Variants in PRKDC observed in about 807,000 individuals in gnomAD.
The protein encoded by PRKDC is DNA-dependent protein kinase catalytic subunit.
A neutral mutation model predicts 486.9 loss-of-function variants in PRKDC; 82 were observed. The observed-to-expected ratio is 0.17, with a 90% CI of 0.14 to 0.20. PRKDC has a LOEUF of 0.20. Among genes scored for constraint, PRKDC ranks in the 10% least tolerant of loss-of-function variants. The pLI, the probability that PRKDC is intolerant of heterozygous loss-of-function variation, is 1.00. For missense variants in PRKDC, 4,504 were observed against 5,038.2 expected, an observed-to-expected ratio of 0.89 and a Z score of 3.21; for synonymous variants, 1,895 against 1,837.0, an observed-to-expected ratio of 1.03 and a Z score of -0.81.
intron 68 of PRKDC, among the ~76,000 whole-genome samples, chr8:47,813,093 ATATTTATTTATT>A (rs139524100): frequency 0.014 from 2,035 of 148,186 alleles, 42 homozygotes; most frequent in African/African-American, 0.041. Context: ...ATAGAATTTT[ATATTTATTTATT>A]TATTTATTTA....
intron 40 of PRKDC, among the ~76,000 whole-genome samples, chr8:47,876,053 C>A (rs750727715): frequency 3.3e-5 from 5 of 152,132 alleles, no homozygotes; most frequent in Admixed American, 1.3e-4. Flanking sequence ...CCAGAGAAGG[C>A]AGATTTATAA....
At chr8:47,852,582 C>A in intron 52 of PRKDC, 91 bp downstream of exon 52, 1 of 734,520 alleles carries the variant, frequency 1.4e-6, no homozygotes, top group Non-Finnish European at 2.1e-6. Flanking sequence ...GTTTCTAATA[C>A]CATACAAGAA....
chr8:47,834,253 C>T lies in PRKDC; in HGVS notation c.8095G>A (p.Asp2699Asn). The change falls in exon 59 of 86, where the codon GAT becomes AAT. Residue 2699 changes from aspartate (D) to asparagine (N), a missense_variant. Around this residue, in one of 6 missense-constraint regions of PRKDC, gnomAD observed 1,592 missense variants for 1,724.6 expected, o/e 0.92. Coordinates refer to ENST00000314191, the MANE Select transcript of PRKDC (RefSeq NM_006904.7). ...AGGCCCAGCCTTTTTTTCCCAAAAT[C>T]AGGCCCCACTGACTTCAAGGGTGCT... ...QRAPLKSVGPDFGKKRLGLPG... is the reference protein window; with the variant it reads ...QRAPLKSVGPNFGKKRLGLPG... 1.2e-6 allele frequency: 2 copies of T among 1,614,012 alleles called. No individual in the cohort carries two copies. The highest frequency in any genetic ancestry group is 1.7e-6 in the Non-Finnish European group (2 of 1,179,884).
At chr8:47,808,854 T>C (rs578218716) in intron 68 of PRKDC, among the ~76,000 whole-genome samples, 166 of 151,976 alleles carry the variant, frequency 1.1e-3, no homozygotes, top group Non-Finnish European at 1.9e-3. Flanking sequence ...CTGGGCAACA[T>C]AGTGATACCT....
At chr8:47,959,778 C>A (rs1341637977) in intron 1 of PRKDC, among the ~76,000 whole-genome samples, 195 bp downstream of exon 1, 2 of 152,178 alleles carry the variant, frequency 1.3e-5, no homozygotes, top group African/African-American at 4.8e-5. Flanking sequence ...TTTAAAATAT[C>A]TTTCCTCTAA....
chr8:47,889,900 T>C (rs952926253), intron 32 of PRKDC, among the ~76,000 whole-genome samples: 1 of 152,084 alleles, frequency 6.6e-6, no homozygotes, highest in Non-Finnish European at 1.5e-5. Flanking sequence ...ATGTTACATA[T>C]ATGAGGTAAC....
intron 36 of PRKDC, among the ~76,000 whole-genome samples, chr8:47,882,575 GGCACACACTA>G (rs750764616): frequency 1.8e-4 from 28 of 151,444 alleles, no homozygotes; most frequent in Non-Finnish European, 3.7e-4. Context: ...CCACCATACA[GGCACACACTA>G]GCACACACAG....
Position 47,819,483 on chromosome 8 carries a change from G to C in PRKDC, c.9364C>G (p.His3122Asp). ...TGCAATTTGGTGAGTCTACTTTGGTGTAAGAGGACATCAATACTAGAATAA... is the reference window on the plus strand; with the variant it reads ...TGCAATTTGGTGAGTCTACTTTGGTCTAAGAGGACATCAATACTAGAATAA... ...QNYSSIDVLLHQSRLTKLQSV... is the reference protein window; with the variant it reads ...QNYSSIDVLLDQSRLTKLQSV... Residue 3122 changes from histidine (H) to aspartate (D), a missense_variant, in exon 67 of 86, where the codon CAC becomes GAC. His to Asp is a moderately conservative substitution (Grantham distance 81). This residue lies in a region of PRKDC where 1,592 missense variants were observed against 1,724.6 expected (regional missense o/e 0.92). Coordinates refer to ENST00000314191, the MANE Select transcript of PRKDC (RefSeq NM_006904.7). The C allele has an allele frequency of 8.4e-7, 1 of 1,184,314 alleles. No homozygotes were observed. The highest frequency in any genetic ancestry group is 3.0e-5 in the East Asian group (1 of 33,866). The allele number at this position is 1,184,314 out of a possible 1,614,324, so 73.4% of individuals were successfully genotyped here. A position where few individuals can be genotyped will look rare whatever the true frequency, so the allele number is the denominator to read the frequency against.
chr8:47,932,074 T>C (rs375359133), intron 16 of PRKDC, among the ~76,000 whole-genome samples: 1 of 128,152 alleles, frequency 7.8e-6, no homozygotes, highest in East Asian at 2.3e-4. Flanking sequence ...TTGTATTTTG[T>C]TTGTTTGTTT....
intron 73 of PRKDC, among the ~76,000 whole-genome samples, chr8:47,796,991 C>T (rs1441005556): frequency 6.6e-6 from 1 of 152,046 alleles, no homozygotes; most frequent in Non-Finnish European, 1.5e-5. Context: ...CATTCCAAGA[C>T]CATTTAAAAA....
intron 59 of PRKDC, 33 bp from the exon 60 acceptor site, chr8:47,831,959 G>C (rs772454805): frequency 1.9e-6 from 3 of 1,574,586 alleles, no homozygotes; most frequent in Non-Finnish European, 2.6e-6. Context: ...GTTACTCCCC[G>C]CCGCCCAGAC....
chr8:47,933,960 G>A lies in PRKDC; in HGVS notation c.1623+5C>T, dbSNP rs767313120. On this transcript the variant is annotated splice_donor_5th_base_variant and intron_variant, in intron 15 of 85. Transcript: ENST00000314191. ...ACATTTATGGCTTTCAATGGTAAAT[G>A]TTACCATCATCTGGTCAGAGCTCAG... The A allele has an allele frequency of 5.6e-6, 9 of 1,607,378 alleles. No homozygotes were observed. Among genetic ancestry groups the A allele is most frequent in the African/African-American group, 2.7e-5 (2 of 74,794 alleles).
At chr8:47,795,188 CTCTTT>C (rs2086957414) in intron 73 of PRKDC, among the ~76,000 whole-genome samples, 1 of 129,144 alleles carries the variant, frequency 7.7e-6, no homozygotes, top group African/African-American at 2.9e-5. Flanking sequence ...GCCTGGCCAA[CTCTTT>C]TTTTTTTTTT....
chr8:47,866,371 C>T (rs1433211364), intron 40 of PRKDC, among the ~76,000 whole-genome samples: 1 of 152,118 alleles, frequency 6.6e-6, no homozygotes, highest in Non-Finnish European at 1.5e-5. Flanking sequence ...TGCTATTCTG[C>T]TATAGCAGCC....
intron 42 of PRKDC, 59 bp from the exon 43 acceptor site, chr8:47,862,600 C>T: frequency 6.7e-7 from 1 of 1,482,506 alleles, no homozygotes; most frequent in South Asian, 1.3e-5. Flanking sequence ...CTGCTCAAGC[C>T]CAACAATGCC....
chr8:47,818,207 G>A (rs936870562), intron 67 of PRKDC, among the ~76,000 whole-genome samples: 13 of 152,172 alleles, frequency 8.5e-5, no homozygotes, highest in Non-Finnish European at 1.2e-4. Flanking sequence ...TCACTTATTA[G>A]CTTAGGCAAG....
chr8:47,940,558 T>C (rs1424250617), intron 10 of PRKDC, among the ~76,000 whole-genome samples: 1 of 152,240 alleles, frequency 6.6e-6, no homozygotes, highest in Non-Finnish European at 1.5e-5. Flanking sequence ...GAATGAAACA[T>C]TGTATATACT....
intron 68 of PRKDC, 116 bp from the exon 69 acceptor site, chr8:47,807,442 G>A (rs2087237962): frequency 2.2e-6 from 2 of 890,696 alleles, no homozygotes. Flanking sequence ...TTTTTGAGAT[G>A]GAGTCTCACT....
intron 60 of PRKDC, 57 bp from the exon 61 acceptor site, chr8:47,830,793 G>A (rs1297101568): frequency 2.1e-5 from 33 of 1,605,382 alleles, no homozygotes; most frequent in Non-Finnish European, 2.5e-5. Context: ...GAAACTAGTC[G>A]TGCATGAGCT....
Sources: gnomAD v4.1 joint callset for allele counts (sites outside exome capture counted in the v4.1 genomes callset) on GRCh38, gnomAD v4.1.1 for gene constraint, gnomAD v4.1.1 regional missense constraint, MANE v1.5 for transcripts, NCBI Gene and HGNC (gene_info 2026-07-23, HGNC 2026-07-21) for gene names.